The following SLIT2 variants were observed in gnomAD, a reference collection of about 807,000 sequenced individuals.
The protein encoded by SLIT2 is slit guidance ligand 2, also known as slit homolog 2 protein.
In SLIT2, 41 loss-of-function variants were observed where a neutral mutation model predicts 185.7. That is an observed-to-expected ratio of 0.22 (90% CI 0.17 to 0.29). The LOEUF (loss-of-function observed/expected upper bound fraction) is 0.29. Ranked by LOEUF, SLIT2 falls within the 10% of genes least tolerant of loss-of-function variation. SLIT2 has a pLI of 1.00. For synonymous variants in SLIT2, 693 were observed against 680.2 expected, an observed-to-expected ratio of 1.02 and a Z score of -0.29; for missense variants, 1,571 against 1,909.0, an observed-to-expected ratio of 0.82 and a Z score of 3.30.
chr4:20,449,037 A>T (rs1281564040), intron 4 of SLIT2, among the ~76,000 whole-genome samples: 1 of 152,124 alleles, frequency 6.6e-6, no homozygotes, highest in East Asian at 1.9e-4. Context: ...TTGAATTGTG[A>T]ATGTTTGTTG....
At chr4:20,326,025 T>G (rs1346297893) in intron 4 of SLIT2, among the ~76,000 whole-genome samples, 1 of 152,130 alleles carries the variant, frequency 6.6e-6, no homozygotes, top group African/African-American at 2.4e-5. Flanking sequence ...TAGTATATTC[T>G]TGTTCACCCC....
intron 4 of SLIT2, among the ~76,000 whole-genome samples, chr4:20,275,054 G>A (rs1450436111): frequency 6.6e-6 from 1 of 152,010 alleles, no homozygotes; most frequent in Non-Finnish European, 1.5e-5. Flanking sequence ...ACATAATCAG[G>A]TAATATTTTA....
chr4:20,361,222 A>G (rs1722716691), intron 4 of SLIT2, among the ~76,000 whole-genome samples: 1 of 151,932 alleles, frequency 6.6e-6, no homozygotes, highest in Admixed American at 6.6e-5. Flanking sequence ...ATCTTCTTCA[A>G]CCAGATTCAC....
chr4:20,589,515 G>GT, intron 29 of SLIT2, 129 bp from the exon 30 acceptor site: 2 of 709,990 alleles, frequency 2.8e-6, no homozygotes, highest in Non-Finnish European at 4.9e-6. Flanking sequence ...TTTGTTTTGG[G>GT]TTTTTTGCTT....
chr4:20,365,439 G>A (rs757268568), intron 4 of SLIT2, among the ~76,000 whole-genome samples: 20 of 152,074 alleles, frequency 1.3e-4, no homozygotes, highest in Admixed American at 3.3e-4. Context: ...GAAGGCTGCC[G>A]CACCTTCAAC....
intron 35 of SLIT2, 90 bp downstream of exon 35, chr4:20,617,288 G>C (rs1448636869): frequency 7.7e-7 from 1 of 1,295,162 alleles, no homozygotes. Context: ...GGGAGGGGAC[G>C]GGAAGGGAGG....
rs1728861682 is a variant in SLIT2, at chr4:20,607,244, A to G, written c.3693-2769A>G. Among the ~76,000 whole-genome samples the G allele has an allele frequency of 1.3e-5, 2 of 152,230 alleles. 1 individual carries two copies. The highest frequency in any genetic ancestry group is 4.1e-4 in the South Asian group (2 of 4,834). ...TAATGAGAGCTAGGACAAGCTGAGC[A>G]AGATTTATCTCTCAGCATTATCCTT... On this transcript the variant is annotated intron_variant, in intron 33 of 36. Transcript: ENST00000504154.
Position 20,257,953 on chromosome 4 carries a change from A to G in SLIT2, c.323+14A>G, listed in dbSNP as rs376806621. On this transcript the variant is annotated intron_variant, in intron 3 of 36. Coordinates refer to ENST00000504154, the MANE Select transcript of SLIT2 (RefSeq NM_004787.4). ...ACTAGAGAGACTGTAAGTATTTTCAATTCCAAAGTTATGACAACATAACTG... is the reference window on the plus strand; with the variant it reads ...ACTAGAGAGACTGTAAGTATTTTCAGTTCCAAAGTTATGACAACATAACTG... The G allele has an allele frequency of 8.7e-6, 11 of 1,261,990 alleles. No individual in the cohort carries two copies. The East Asian group carries it at 9.3e-5, about 11-fold the overall frequency. The allele number at this position is 1,261,990 out of a possible 1,614,324, so 78.2% of individuals were successfully genotyped here.
intron 26 of SLIT2, 140 bp downstream of exon 26, chr4:20,554,108 C>A: frequency 1.4e-6 from 1 of 721,020 alleles, no homozygotes; most frequent in Non-Finnish European, 2.3e-6. Context: ...TTGGACAAGA[C>A]AGAGCAGTTA....
chr4:20,407,191 T>C (rs902706473), intron 4 of SLIT2, among the ~76,000 whole-genome samples: 1 of 152,190 alleles, frequency 6.6e-6, no homozygotes, highest in African/African-American at 2.4e-5. Flanking sequence ...TAGTAATGTT[T>C]TGTTTTCTTG....
intron 8 of SLIT2, chr4:20,490,758 C>G (rs777565093): frequency 2.9e-6 from 4 of 1,371,452 alleles, no homozygotes; most frequent in Non-Finnish European, 4.0e-6. Flanking sequence ...CAGTTCGTTA[C>G]TAACCACTTT....
At chr4:20,594,046 A>G (rs1280844222) in intron 30 of SLIT2, among the ~76,000 whole-genome samples, 1 of 150,038 alleles carries the variant, frequency 6.7e-6, no homozygotes, top group African/African-American at 2.4e-5. Flanking sequence ...ATATGTACAT[A>G]TGTACATATT....
At chr4:20,324,734 A>G (rs1195694768) in intron 4 of SLIT2, among the ~76,000 whole-genome samples, 4 of 152,192 alleles carry the variant, frequency 2.6e-5, no homozygotes, top group African/African-American at 9.6e-5. Flanking sequence ...ATCATGTTGT[A>G]AATGATAAAC....
chr4:20,387,055 G>A (rs1372393631), intron 4 of SLIT2, among the ~76,000 whole-genome samples: 1 of 152,120 alleles, frequency 6.6e-6, no homozygotes, highest in East Asian at 1.9e-4. Flanking sequence ...CTTACAGGAC[G>A]GAATTACCTG....
chr4:20,396,428 G>C (rs1415060726), intron 4 of SLIT2, among the ~76,000 whole-genome samples: 1 of 151,724 alleles, frequency 6.6e-6, no homozygotes, highest in Non-Finnish European at 1.5e-5. Context: ...GCTGTCTACA[G>C]ACCCCTCATC....
At chr4:20,469,115 G>A (rs1714679641) in intron 5 of SLIT2, among the ~76,000 whole-genome samples, 1 of 151,986 alleles carries the variant, frequency 6.6e-6, no homozygotes, top group South Asian at 2.1e-4. Flanking sequence ...TTTTACTTTT[G>A]CTAGTTAGGG....
At chr4:20,325,008 C>T (rs567110383) in intron 4 of SLIT2, among the ~76,000 whole-genome samples, 8 of 152,152 alleles carry the variant, frequency 5.3e-5, no homozygotes, top group African/African-American at 1.7e-4. Flanking sequence ...CATAGGAAGT[C>T]AGGCAGGCTT....
intron 9 of SLIT2, among the ~76,000 whole-genome samples, chr4:20,506,614 T>C (rs915583694): frequency 4.8e-4 from 73 of 152,100 alleles, no homozygotes; most frequent in African/African-American, 1.6e-3. Context: ...AGGACATCAT[T>C]TGAGATGTGT....
intron 4 of SLIT2, among the ~76,000 whole-genome samples, chr4:20,325,746 A>C (rs1378795822): frequency 6.6e-6 from 1 of 152,138 alleles, no homozygotes; most frequent in Admixed American, 6.6e-5. Flanking sequence ...TTCCTTCATC[A>C]TACTGTTTGG....
Sources: gnomAD v4.1 joint callset for allele counts (sites outside exome capture counted in the v4.1 genomes callset) on GRCh38, gnomAD v4.1.1 for gene constraint, MANE v1.5 for transcripts, NCBI Gene and HGNC (gene_info 2026-07-23, HGNC 2026-07-21) for gene names.